The following CKMT2 variants were observed in gnomAD, a reference collection of about 807,000 sequenced individuals.
The protein encoded by CKMT2 is creatine kinase S-type, mitochondrial.
In CKMT2, 43 loss-of-function variants were observed where a neutral mutation model predicts 48.9. The observed-to-expected ratio is 0.88, with a 90% CI of 0.69 to 1.13. The LOEUF is 1.13. CKMT2 is among the 50% of genes most tolerant of loss of function. The pLI is 0.00. For missense variants in CKMT2, 472 were observed against 555.4 expected, an observed-to-expected ratio of 0.85 and a Z score of 1.51; for synonymous variants, 206 against 213.0, an observed-to-expected ratio of 0.97 and a Z score of 0.29.
chr5:81,235,454 C>T (rs1056706777), intron 1 of CKMT2, among the ~76,000 whole-genome samples: 2 of 152,196 alleles, frequency 1.3e-5, no homozygotes, highest in Admixed American at 1.3e-4. Context: ...AAAGCTGACA[C>T]GTGGTCCTCC....
intron 8 of CKMT2, among the ~76,000 whole-genome samples, chr5:81,263,183 G>A (rs1349161913): frequency 6.6e-6 from 1 of 151,672 alleles, no homozygotes; most frequent in Non-Finnish European, 1.5e-5. Context: ...TGGGGGGTGG[G>A]GGTTTGGGGA....
chr5:81,259,074 G>T, intron 7 of CKMT2, 46 bp from the exon 8 acceptor site: 7 of 1,579,690 alleles, frequency 4.4e-6, no homozygotes, highest in Non-Finnish European at 6.0e-6. Context: ...TGAATGAATG[G>T]ATGTTGGAAA....
chr5:81,244,051 A>C, intron 1 of CKMT2: 1 of 985,394 alleles, frequency 1.0e-6, no homozygotes, highest in Non-Finnish European at 1.2e-6. Context: ...GATCAAAGGA[A>C]ATGTTTCCCT....
chr5:81,251,186 T>G lies in CKMT2; in HGVS notation c.54T>G (p.Phe18Leu). The G allele has an allele frequency of 6.2e-7, 1 of 1,614,170 alleles. No homozygotes were observed. The highest frequency in any genetic ancestry group is 1.1e-5 in the South Asian group (1 of 91,084). ...LLTGRNASLL[F>L]ATMGTSVLTT... ...CTGGCCGCAATGCTTCTCTGCTGTT[T>G]GCTACCATGGGCACCAGTGTCCTGA... Residue 18 changes from phenylalanine (F) to leucine (L), a missense_variant, in exon 2 of 10, where the codon TTT (phenylalanine) becomes TTG (leucine). Transcript: ENST00000254035.
chr5:81,254,585 A>G, intron 4 of CKMT2, 94 bp downstream of exon 4: 1 of 1,082,954 alleles, frequency 9.2e-7, no homozygotes. Flanking sequence ...GCTGTAAGTC[A>G]GATACCCCTG....
intron 8 of CKMT2, among the ~76,000 whole-genome samples, chr5:81,261,437 T>A (rs180721488): frequency 1.0e-3 from 153 of 152,322 alleles, no homozygotes; most frequent in African/African-American, 3.6e-3. Flanking sequence ...GATGACATGA[T>A]TGTATATTTA....
intron 5 of CKMT2, among the ~76,000 whole-genome samples, chr5:81,255,608 A>G (rs914688451): frequency 6.6e-6 from 1 of 152,100 alleles, no homozygotes; most frequent in South Asian, 2.1e-4. Context: ...AGCTACAAAA[A>G]TCTAGAAAGG....
intron 9 of CKMT2, among the ~76,000 whole-genome samples, chr5:81,265,652 A>C (rs1442423365): frequency 6.6e-6 from 1 of 152,226 alleles, no homozygotes; most frequent in East Asian, 1.9e-4. Flanking sequence ...TTCATTAATA[A>C]GCTTGCCTAG....
chr5:81,260,781 G>C (rs1004928269), intron 8 of CKMT2, among the ~76,000 whole-genome samples: 4 of 152,168 alleles, frequency 2.6e-5, no homozygotes, highest in East Asian at 1.9e-4. Context: ...AATTCTACCA[G>C]AGGTACAAAG....
chr5:81,237,451 C>A (rs1176450958), intron 1 of CKMT2: 1 of 152,128 alleles, frequency 6.6e-6, no homozygotes, highest in Admixed American at 6.5e-5. Flanking sequence ...TTGGTAACAT[C>A]CTGTAATCGG....
intron 2 of CKMT2, among the ~76,000 whole-genome samples, chr5:81,251,620 A>G (rs1369813120): frequency 6.6e-6 from 1 of 152,136 alleles, no homozygotes; most frequent in Non-Finnish European, 1.5e-5. Flanking sequence ...AAACAAAAAA[A>G]AATCTTCAAA....
At chr5:81,258,451 G>GCTGATAATTCCTGTATT (rs1160142676) in intron 7 of CKMT2, among the ~76,000 whole-genome samples, 1 of 152,184 alleles carries the variant, frequency 6.6e-6, no homozygotes, top group Non-Finnish European at 1.5e-5. Context: ...AGACTCACCT[G>GCTGATAATTCCTGTATT]CTGATAATTC....
At chr5:81,259,019 G>T in intron 7 of CKMT2, 101 bp from the exon 8 acceptor site, 1 of 1,112,178 alleles carries the variant, frequency 9.0e-7, no homozygotes, top group South Asian at 1.8e-5. Flanking sequence ...TTTCATTCAT[G>T]CCAGAGGAGG....
rs1756947827 is a variant in CKMT2 at position 81,255,004 on chromosome 5, G to A, written c.459G>A (p.Gly153=). The A allele has an allele frequency of 6.2e-7, 1 of 1,613,788 alleles. No individual in the cohort carries two copies. Among genetic ancestry groups the A allele is most frequent in the Admixed American group, 1.7e-5 (1 of 59,998 alleles). The change falls in exon 5 of 10, where the codon GGG becomes GGA. Residue 153 remains glycine (G), a synonymous_variant. Transcript: ENST00000254035. Reference sequence around the variant, plus strand: ...AGTCTGCTTGGCAGATCACCCAAGGGCAGTTCGACGAGCATTACGTGCTGT... The same window carrying A: ...AGTCTGCTTGGCAGATCACCCAAGGACAGTTCGACGAGCATTACGTGCTGT... ...TDLDASKITQ[G]QFDEHYVLSS...
intron 8 of CKMT2, among the ~76,000 whole-genome samples, chr5:81,261,354 G>T (rs1352749272): frequency 6.6e-6 from 1 of 152,180 alleles, no homozygotes; most frequent in East Asian, 1.9e-4. Context: ...TTCTGGCCAG[G>T]GCAATCAGGC....
At chr5:81,265,386 T>C (rs1251186095) in intron 9 of CKMT2, among the ~76,000 whole-genome samples, 2 of 152,194 alleles carry the variant, frequency 1.3e-5, no homozygotes, top group Non-Finnish European at 2.9e-5. Flanking sequence ...AGAGCTAACA[T>C]TCAATGGTCC....
chr5:81,253,778 CTTTT>C (rs952865037), intron 3 of CKMT2, among the ~76,000 whole-genome samples: 7 of 152,316 alleles, frequency 4.6e-5, no homozygotes, highest in African/African-American at 4.8e-5. Flanking sequence ...GTTACAACTT[CTTTT>C]AACAATTTTT....
intron 1 of CKMT2, among the ~76,000 whole-genome samples, chr5:81,241,093 T>C (rs1047819232): frequency 1.6e-4 from 25 of 152,216 alleles, no homozygotes; most frequent in Non-Finnish European, 3.1e-4. Context: ...TCTACATTCA[T>C]TGGGTCTTGT....
chr5:81,263,457 CT>C, intron 8 of CKMT2, 33 bp from the exon 9 acceptor site: 1 of 1,510,318 alleles, frequency 6.6e-7, no homozygotes, highest in Non-Finnish European at 8.9e-7. Context: ...AATTTTGCCT[CT>C]TAGCACATTT....
Sources: gnomAD v4.1 joint callset for allele counts (sites outside exome capture counted in the v4.1 genomes callset) on GRCh38, gnomAD v4.1.1 for gene constraint, MANE v1.5 for transcripts, NCBI Gene and HGNC (gene_info 2026-07-23, HGNC 2026-07-21) for gene names.